The following ACTR3B variants were observed in gnomAD, a reference collection of about 807,000 sequenced individuals.
The protein encoded by ACTR3B is actin-related protein 3B.
A neutral mutation model predicts 59.0 loss-of-function variants in ACTR3B; 8 were observed. The observed-to-expected ratio is 0.14, with a 90% confidence interval of 0.08 to 0.24. The LOEUF (loss-of-function observed/expected upper bound fraction) is 0.24, where lower values mean the gene tolerates loss of function less well. Among genes scored for constraint, ACTR3B ranks in the 10% least tolerant of loss-of-function variants. The pLI is 1.00. For missense variants in ACTR3B, 245 were observed against 552.3 expected, an observed-to-expected ratio of 0.44 and a Z score of 5.58; for synonymous variants, 148 against 197.9, an observed-to-expected ratio of 0.75 and a Z score of 2.12.
At chr7:152,838,853 TG>T in intron 9 of ACTR3B, among the ~76,000 whole-genome samples, 1 of 152,174 alleles carries the variant, frequency 6.6e-6, no homozygotes, top group East Asian at 1.9e-4. Context: ...CTGTTTGTCC[TG>T]GGGAGACATG....
chr7:152,780,844 ATT>A (rs142260998), intron 1 of ACTR3B, among the ~76,000 whole-genome samples: 57,079 of 132,312 alleles, frequency 0.43, 12,229 homozygotes, highest in Non-Finnish European at 0.5. Flanking sequence ...AACTTTTCAG[ATT>A]TTTTTTTTTT....
intron 9 of ACTR3B, among the ~76,000 whole-genome samples, chr7:152,833,144 C>A (rs771911747): frequency 2.0e-5 from 3 of 152,202 alleles, no homozygotes; most frequent in Non-Finnish European, 4.4e-5. Flanking sequence ...AGAAGCTGGG[C>A]AGAGGCCAAA....
chr7:152,785,455 G>C, intron 2 of ACTR3B, among the ~76,000 whole-genome samples: 1 of 4,968 alleles, frequency 2.0e-4, no homozygotes, highest in Non-Finnish European at 3.8e-4. Flanking sequence ...GGGGGGAGAG[G>C]GGGGAGGGGG....
At chr7:152,821,196 G>A (rs1273251616) in intron 7 of ACTR3B, among the ~76,000 whole-genome samples, 2 of 152,118 alleles carry the variant, frequency 1.3e-5, no homozygotes, top group South Asian at 2.1e-4. Context: ...GTTTCCTGAG[G>A]TATCATTAGA....
intron 1 of ACTR3B, among the ~76,000 whole-genome samples, chr7:152,782,946 ATG>A (rs1038981115): frequency 7.2e-5 from 11 of 151,768 alleles, no homozygotes; most frequent in African/African-American, 2.7e-4. Flanking sequence ...GTTAGTATAT[ATG>A]TGTTTCTTTT....
intron 9 of ACTR3B, among the ~76,000 whole-genome samples, chr7:152,828,437 C>T (rs1014394177): frequency 2.5e-4 from 38 of 152,296 alleles, no homozygotes; most frequent in African/African-American, 7.9e-4. Context: ...TGACGAGGTT[C>T]GCTCCTGCTC....
chr7:152,787,648 G>T (rs1204798713), intron 2 of ACTR3B, among the ~76,000 whole-genome samples: 1 of 152,156 alleles, frequency 6.6e-6, no homozygotes, highest in African/African-American at 2.4e-5. Flanking sequence ...ATTAAAGAGT[G>T]TGTTCCCATT....
At chr7:152,849,321 G>A (rs1466627027) in intron 9 of ACTR3B, among the ~76,000 whole-genome samples, 1 of 152,196 alleles carries the variant, frequency 6.6e-6, no homozygotes, top group African/African-American at 2.4e-5. Flanking sequence ...CGACACCAAG[G>A]AACGGGGTGG....
At chr7:152,777,680 C>T (rs939302385) in intron 1 of ACTR3B, among the ~76,000 whole-genome samples, 9 of 152,288 alleles carry the variant, frequency 5.9e-5, no homozygotes, top group African/African-American at 1.9e-4. Flanking sequence ...ATTTGCCATG[C>T]GCGGTGGCTC....
intron 1 of ACTR3B, among the ~76,000 whole-genome samples, chr7:152,775,834 A>G (rs2098135141): frequency 6.6e-6 from 1 of 152,208 alleles, no homozygotes; most frequent in Admixed American, 6.5e-5. Context: ...ATACACAGGA[A>G]TAGAAGGTGG....
chr7:152,830,622 C>T (rs1308587821), intron 9 of ACTR3B, among the ~76,000 whole-genome samples: 1 of 152,182 alleles, frequency 6.6e-6, no homozygotes, highest in Non-Finnish European at 1.5e-5. Flanking sequence ...GATCACAGCT[C>T]ACTGCAGCCT....
intron 9 of ACTR3B, among the ~76,000 whole-genome samples, chr7:152,826,422 T>C (rs1217659101): frequency 6.6e-6 from 1 of 151,918 alleles, no homozygotes; most frequent in Non-Finnish European, 1.5e-5. Flanking sequence ...GATTTTTTTA[T>C]AATTAAAATT....
chr7:152,830,493 G>A (rs1272089249), intron 9 of ACTR3B, among the ~76,000 whole-genome samples: 2 of 152,314 alleles, frequency 1.3e-5, no homozygotes, highest in East Asian at 1.9e-4. Context: ...TTATGTTAAT[G>A]CATTTTAAAC....
At chr7:152,852,276 G>A in intron 10 of ACTR3B, 25 bp downstream of exon 10, 1 of 1,596,384 alleles carries the variant, frequency 6.3e-7, no homozygotes, top group Non-Finnish European at 8.5e-7. Flanking sequence ...CCTCCACGCA[G>A]TGCCTGGGGC....
intron 9 of ACTR3B, among the ~76,000 whole-genome samples, chr7:152,830,156 A>C (rs929396452): frequency 1.3e-5 from 2 of 152,324 alleles, no homozygotes; most frequent in African/African-American, 2.4e-5. Flanking sequence ...TGAGTCTGAG[A>C]GCTTGGCCTG....
chr7:152,770,720 T>C (rs374926188), intron 1 of ACTR3B, among the ~76,000 whole-genome samples: 14 of 148,450 alleles, frequency 9.4e-5, no homozygotes, highest in East Asian at 3.9e-4. Flanking sequence ...CCAATTCTTC[T>C]AAACAACCAG....
intron 2 of ACTR3B, among the ~76,000 whole-genome samples, chr7:152,796,091 C>T (rs568074928): frequency 3.3e-5 from 5 of 152,214 alleles, no homozygotes; most frequent in African/African-American, 4.8e-5. Flanking sequence ...GTGATCTACC[C>T]GCCTCGACCT....
chr7:152,820,981 C>T (rs940310026), intron 7 of ACTR3B, among the ~76,000 whole-genome samples: 4 of 152,202 alleles, frequency 2.6e-5, no homozygotes, highest in African/African-American at 7.2e-5. Flanking sequence ...CTCAGCACCT[C>T]GTAACTGAGG....
At chr7:152,806,980 T>C (rs530309228) in intron 4 of ACTR3B, among the ~76,000 whole-genome samples, 105 of 152,300 alleles carry the variant, frequency 6.9e-4, no homozygotes, top group Non-Finnish European at 1.3e-3. Context: ...TTTACCTATG[T>C]GGAGAGTGTC....
Sources: gnomAD v4.1 joint callset for allele counts (sites outside exome capture counted in the v4.1 genomes callset) on GRCh38, gnomAD v4.1.1 for gene constraint, MANE v1.5 for transcripts, NCBI Gene and HGNC (gene_info 2026-07-23, HGNC 2026-07-21) for gene names.